DAOA: variants seen among roughly 807,000 people sequenced by gnomAD.
DAOA encodes D-amino acid oxidase activator, also known as D-amino acid oxidase regulator.
A neutral mutation model predicts 16.4 loss-of-function variants in DAOA; 15 were observed. That is an observed-to-expected ratio of 0.91 (90% CI 0.61 to 1.41). The LOEUF is 1.41. Among genes scored for constraint, DAOA ranks in the 40% most tolerant of loss-of-function variants. DAOA has a pLI of 0.00. For missense variants in DAOA, 230 were observed against 176.8 expected, an observed-to-expected ratio of 1.30 and a Z score of -1.71; for synonymous variants, 75 against 59.1, an observed-to-expected ratio of 1.27 and a Z score of -1.23.
At chr13:105,466,433 A>G in intron 2 of DAOA, 101 bp downstream of exon 2, 1 of 1,582,640 alleles carries the variant, frequency 6.3e-7, no homozygotes, top group South Asian at 1.1e-5. Flanking sequence ...GGAGACAGGA[A>G]GTGGAACATG....
intron 2 of DAOA, 115 bp downstream of exon 2, chr13:105,466,447 G>A (rs959201007): frequency 1.1e-5 from 17 of 1,552,882 alleles, no homozygotes; most frequent in Non-Finnish European, 1.5e-5. Context: ...GAACATGTCA[G>A]GGTTGGAAGC....
At chr13:105,472,065 C>T (rs1042268418) in intron 3 of DAOA, among the ~76,000 whole-genome samples, 10 of 152,064 alleles carry the variant, frequency 6.6e-5, no homozygotes, top group Non-Finnish European at 1.5e-4. Context: ...TGGTCAACAC[C>T]GGAGGAAAGG....
chr13:105,471,291 T>C (rs1019592570), intron 3 of DAOA, among the ~76,000 whole-genome samples: 4 of 151,816 alleles, frequency 2.6e-5, no homozygotes, highest in Non-Finnish European at 4.4e-5. Flanking sequence ...ATAATATTGG[T>C]CAAACCGAAT....
In DAOA at chr13:105,490,264, A is replaced by G. The variant is rs905177666; in HGVS notation, c.*111+72A>G. On this transcript the variant is annotated intron_variant, in intron 5 of 5. Transcript: ENST00000375936. ...TATAATTTTTATGAATTATATTTTT[A>G]TGAAGATTTGTTACACAATGATATA... 2.4e-5 allele frequency: 19 copies of G among 776,860 alleles called. No homozygotes were observed. In the African/African-American group the frequency reaches 3.3e-4, roughly 14 times the overall value. The allele number at this position is 776,860 out of a possible 1,614,324, so 48.1% of individuals were successfully genotyped here.
chr13:105,469,968 C>G (rs1165796777), intron 3 of DAOA, among the ~76,000 whole-genome samples: 1 of 151,748 alleles, frequency 6.6e-6, no homozygotes, highest in African/African-American at 2.4e-5. Flanking sequence ...TTTTTTATTT[C>G]TTGGATGATT....
At chr13:105,475,134 A>C in intron 4 of DAOA, 1 of 731,336 alleles carries the variant, frequency 1.4e-6, no homozygotes. Context: ...CAGCCTTAGA[A>C]ACCAGATCTC....
intron 4 of DAOA, among the ~76,000 whole-genome samples, chr13:105,480,214 C>A (rs953277724): frequency 6.6e-6 from 1 of 152,054 alleles, no homozygotes; most frequent in East Asian, 1.9e-4. Flanking sequence ...TAAGTAAAAA[C>A]TGATGATTTT....
At chr13:105,480,097 T>A (rs1594113518) in intron 4 of DAOA, among the ~76,000 whole-genome samples, 2 of 152,258 alleles carry the variant, frequency 1.3e-5, no homozygotes, top group South Asian at 4.1e-4. Flanking sequence ...TAATAACACA[T>A]AGTATTTATC....
chr13:105,490,186 A>C lies in DAOA; in HGVS notation c.*105A>C. On this transcript the variant is annotated 3_prime_UTR_variant, in exon 5 of 6. Transcript: ENST00000375936. ...CTCTGTGTCTGGGACCCAGCTGATA[A>C]CACGTGGTAATATGTTTTATAAAAT... 4 of 1,290,652 alleles carry C rather than the reference A, an allele frequency of 3.1e-6. No individual in the cohort carries two copies. The highest frequency in any genetic ancestry group is 4.0e-6 in the Non-Finnish European group (4 of 1,000,860). The allele number at this position is 1,290,652 out of a possible 1,614,324, so 79.9% of individuals were successfully genotyped here. A position where few individuals can be genotyped will look rare whatever the true frequency, so the allele number is the denominator to read the frequency against.
At chr13:105,474,502 T>A (rs368730086) in intron 4 of DAOA, among the ~76,000 whole-genome samples, 23 of 152,232 alleles carry the variant, frequency 1.5e-4, no homozygotes, top group East Asian at 7.7e-4. Flanking sequence ...AATGACAATG[T>A]TCTATCAACT....
intron 4 of DAOA, 73 bp from the exon 5 acceptor site, chr13:105,489,828 T>C (rs975638699): frequency 6.2e-7 from 1 of 1,613,186 alleles, no homozygotes. Flanking sequence ...ATGGGAAAGG[T>C]GATGACACTT....
intron 3 of DAOA, among the ~76,000 whole-genome samples, chr13:105,468,949 C>T (rs1876731448): frequency 6.6e-6 from 1 of 152,164 alleles, no homozygotes; most frequent in African/African-American, 2.4e-5. Flanking sequence ...TAGACATGAA[C>T]ATGAAATGTG....
chr13:105,469,333 A>G (rs1876764085), intron 3 of DAOA, among the ~76,000 whole-genome samples: 1 of 152,192 alleles, frequency 6.6e-6, no homozygotes, highest in African/African-American at 2.4e-5. Context: ...ATTAAAACTA[A>G]TTCTGCTCTG....
intron 4 of DAOA, among the ~76,000 whole-genome samples, chr13:105,486,539 G>T (rs1387050361): frequency 6.6e-6 from 1 of 151,928 alleles, no homozygotes; most frequent in Non-Finnish European, 1.5e-5. Flanking sequence ...ATAAGACGTA[G>T]TACAAAATAT....
intron 3 of DAOA, among the ~76,000 whole-genome samples, chr13:105,467,455 G>T (rs1171584160): frequency 6.6e-6 from 1 of 152,136 alleles, no homozygotes; most frequent in Non-Finnish European, 1.5e-5. Flanking sequence ...TGTGAAGTGG[G>T]AATTTAAGGC....
intron 4 of DAOA, among the ~76,000 whole-genome samples, chr13:105,473,831 A>G (rs1273809304): frequency 6.6e-6 from 1 of 152,150 alleles, no homozygotes; most frequent in Non-Finnish European, 1.5e-5. Flanking sequence ...TAGAGTTCCA[A>G]TCAGAGCTGC....
intron 3 of DAOA, among the ~76,000 whole-genome samples, chr13:105,468,019 GC>G (rs1456323865): frequency 6.6e-6 from 1 of 152,122 alleles, no homozygotes; most frequent in Non-Finnish European, 1.5e-5. Flanking sequence ...GCCTGCCCCA[GC>G]TTCTGGAGGC....
intron 4 of DAOA, among the ~76,000 whole-genome samples, chr13:105,488,943 G>A (rs1399103963): frequency 6.6e-6 from 1 of 152,142 alleles, no homozygotes; most frequent in Non-Finnish European, 1.5e-5. Context: ...CTATGCACAA[G>A]GCACTACATT....
intron 3 of DAOA, chr13:105,467,467 G>A (rs1876602854): frequency 5.8e-6 from 1 of 172,186 alleles, no homozygotes; most frequent in East Asian, 1.7e-4. Context: ...ATTTAAGGCA[G>A]TAGTTCTGCT....
Sources: gnomAD v4.1 joint callset for allele counts (sites outside exome capture counted in the v4.1 genomes callset) on GRCh38, gnomAD v4.1.1 for gene constraint, MANE v1.5 for transcripts, NCBI Gene and HGNC (gene_info 2026-07-23, HGNC 2026-07-21) for gene names.